The following MSI2 variants were observed in gnomAD, a reference collection of about 807,000 sequenced individuals.
MSI2 encodes the protein RNA-binding protein Musashi homolog 2.
MSI2 carries 17 observed loss-of-function variants against 45.6 expected under a neutral mutation model. The ratio of observed to expected loss-of-function variants is 0.37; its 90% CI spans 0.26 to 0.56. MSI2 has a LOEUF of 0.56. Among genes scored for constraint, MSI2 ranks in the 20% least tolerant of loss-of-function variants. The pLI, the probability that MSI2 is intolerant of heterozygous loss-of-function variation, is 0.77. For missense variants in MSI2, 293 were observed against 444.2 expected, an observed-to-expected ratio of 0.66 and a Z score of 3.06; for synonymous variants, 156 against 158.2, an observed-to-expected ratio of 0.99 and a Z score of 0.11.
chr17:57,387,869 G>A (rs1296317687), intron 5 of MSI2, among the ~76,000 whole-genome samples: 1 of 152,188 alleles, frequency 6.6e-6, no homozygotes, highest in Non-Finnish European at 1.5e-5. Flanking sequence ...TTGTGTGCCT[G>A]TCATTGCAGT....
chr17:57,526,569 C>T (rs973299265), intron 6 of MSI2, among the ~76,000 whole-genome samples: 3 of 151,912 alleles, frequency 2.0e-5, no homozygotes, highest in Non-Finnish European at 4.4e-5. Context: ...GAAACAGTCT[C>T]GTATGTGAGA....
At chr17:57,673,741 G>T (rs1041875972) in intron 11 of MSI2, among the ~76,000 whole-genome samples, 2 of 152,010 alleles carry the variant, frequency 1.3e-5, no homozygotes, top group African/African-American at 2.4e-5. Flanking sequence ...GTCACCTTCC[G>T]CTGCCCCCCG....
At chr17:57,565,906 T>A (rs2087719245) in intron 7 of MSI2, 1 of 152,144 alleles carries the variant, frequency 6.6e-6, no homozygotes, top group Non-Finnish European at 1.5e-5. Context: ...CTAAGTAACA[T>A]CTGTTTACTT....
intron 5 of MSI2, among the ~76,000 whole-genome samples, chr17:57,271,774 A>T: frequency 7.2e-6 from 1 of 139,716 alleles, no homozygotes. Flanking sequence ...TTTTAAGCTG[A>T]CATATTGTAA....
chr17:57,289,947 C>T (rs1014730848), intron 5 of MSI2, among the ~76,000 whole-genome samples: 2 of 152,232 alleles, frequency 1.3e-5, no homozygotes, highest in South Asian at 2.1e-4. Context: ...GGAGTAGAAG[C>T]GGAGCCCATG....
chr17:57,558,082 C>T (rs956484791), intron 7 of MSI2, among the ~76,000 whole-genome samples: 5 of 152,136 alleles, frequency 3.3e-5, no homozygotes, highest in South Asian at 2.1e-4. Flanking sequence ...GTGCTCAAGA[C>T]GGAGCTTGCC....
chr17:57,597,103 G>T (rs1359423548), intron 8 of MSI2, among the ~76,000 whole-genome samples, 153 bp downstream of exon 8: 1 of 151,960 alleles, frequency 6.6e-6, no homozygotes, highest in South Asian at 2.1e-4. Context: ...AACAGTAGCA[G>T]TTGTTTCATA....
At chr17:57,603,334 C>T (rs986993836) in intron 8 of MSI2, among the ~76,000 whole-genome samples, 2 of 152,200 alleles carry the variant, frequency 1.3e-5, no homozygotes, top group South Asian at 4.1e-4. Flanking sequence ...GTCCCCAAGT[C>T]GGGACCTGCT....
Position 57,627,263 on chromosome 17 carries a change from C to A in MSI2, c.687C>A (p.Gly229=). 2 of 1,614,214 alleles carry A rather than the reference C, an allele frequency of 1.2e-6. No individual in the cohort carries two copies. The highest frequency in any genetic ancestry group is 1.7e-5 in the Admixed American group (1 of 60,028). ...ACTTCGTGGCGACCTATGGCCGTGGCTACCCCGGATTTGCTCCAAGCTATG... is the reference window on the plus strand; with the variant it reads ...ACTTCGTGGCGACCTATGGCCGTGGATACCCCGGATTTGCTCCAAGCTATG... ...YPNFVATYGR[G]YPGFAPSYGY... Residue 229 remains glycine, a synonymous_variant, in exon 10 of 14, where the codon GGC becomes GGA. Coordinates refer to ENST00000284073, the MANE Select transcript of MSI2 (RefSeq NM_138962.4). This position sits in a 1 kb window ranked among gnomAD's most constrained non-coding sequence, Gnocchi z 4.6.
rs188706778 is a variant in MSI2, at chr17:57,282,156, C to T, written c.312+19964C>T. Among the ~76,000 whole-genome samples, 5 of 152,064 alleles carry T rather than the reference C, an allele frequency of 3.3e-5. No individual in the cohort carries two copies. In the East Asian group the frequency reaches 9.7e-4, roughly 29 times the overall value. On this transcript the variant is annotated intron_variant, in intron 5 of 13. Transcript: ENST00000284073. ...GGTTTCCTGTCTTTGCTTGGGGTGA[C>T]GGGTTCATTTCAAACAAGTGAGATG... is the stretch of plus-strand genomic sequence containing the variant.
At chr17:57,308,333 G>A (rs903983560) in intron 5 of MSI2, among the ~76,000 whole-genome samples, 7 of 152,196 alleles carry the variant, frequency 4.6e-5, no homozygotes, top group African/African-American at 1.7e-4. Context: ...GCACATAATA[G>A]GGGATCATAA....
intron 6 of MSI2, among the ~76,000 whole-genome samples, chr17:57,417,991 C>T (rs1426677471): frequency 2.0e-5 from 3 of 152,188 alleles, no homozygotes; most frequent in South Asian, 4.2e-4. Context: ...TCCTCTCATT[C>T]GTAGCTCCAA....
chr17:57,612,879 T>TG (rs1173006557), intron 8 of MSI2, among the ~76,000 whole-genome samples: 1 of 152,214 alleles, frequency 6.6e-6, no homozygotes, highest in African/African-American at 2.4e-5. Flanking sequence ...TTCCCCTTGC[T>TG]GGTGTTGGCT....
chr17:57,323,290 G>GA (rs1308538282), intron 5 of MSI2, among the ~76,000 whole-genome samples: 1 of 152,160 alleles, frequency 6.6e-6, no homozygotes, highest in African/African-American at 2.4e-5. Context: ...AAGTGGAGAA[G>GA]AAAAAATGTG....
chr17:57,414,393 T>A (rs941074937), intron 6 of MSI2, among the ~76,000 whole-genome samples: 1 of 95,094 alleles, frequency 1.1e-5, no homozygotes, highest in Admixed American at 1.1e-4. Context: ...AAAATTAGGA[T>A]TTTTTTTTTT....
At chr17:57,314,224 C>G (rs1373192368) in intron 5 of MSI2, among the ~76,000 whole-genome samples, 4 of 152,140 alleles carry the variant, frequency 2.6e-5, no homozygotes, top group East Asian at 1.9e-4. Flanking sequence ...AGGGCCCACC[C>G]TAATGATCCT....
At chr17:57,558,157 A>G (rs762071699) in intron 7 of MSI2, among the ~76,000 whole-genome samples, 9 of 152,164 alleles carry the variant, frequency 5.9e-5, no homozygotes, top group Non-Finnish European at 1.0e-4. Flanking sequence ...GGACATGCTT[A>G]GATTACAAAG....
intron 6 of MSI2, among the ~76,000 whole-genome samples, chr17:57,479,852 T>G (rs1405623411): frequency 6.6e-6 from 1 of 152,182 alleles, no homozygotes; most frequent in Non-Finnish European, 1.5e-5. Context: ...GAATTTAATT[T>G]TTACACATTG....
chr17:57,520,384 A>G (rs1003223157), intron 6 of MSI2, among the ~76,000 whole-genome samples: 2 of 152,182 alleles, frequency 1.3e-5, no homozygotes, highest in Non-Finnish European at 2.9e-5. Flanking sequence ...TATCTGATAA[A>G]CATTGTGCGT....
Sources: gnomAD v4.1 joint callset for allele counts (sites outside exome capture counted in the v4.1 genomes callset) on GRCh38, gnomAD v4.1.1 for gene constraint, Gnocchi (gnomAD v3.1) non-coding constraint, MANE v1.5 for transcripts, NCBI Gene and HGNC (gene_info 2026-07-23, HGNC 2026-07-21) for gene names.